Variants in GALNTL6 observed in about 807,000 individuals in gnomAD.
GALNTL6 encodes the protein polypeptide N-acetylgalactosaminyltransferase like 6.
In GALNTL6, 46 loss-of-function variants were observed where a neutral mutation model predicts 73.7. The observed-to-expected ratio is 0.62, with a 90% confidence interval of 0.49 to 0.80. The LOEUF (loss-of-function observed/expected upper bound fraction) is 0.80, where lower values mean the gene tolerates loss of function less well. GALNTL6 is among the 30% of genes least tolerant of loss of function. GALNTL6 has a pLI of 0.00. For missense variants in GALNTL6, 604 were observed against 755.0 expected (o/e 0.80, Z 2.34); for synonymous variants, 259 against 263.7 (o/e 0.98, Z 0.17).
At chr4:172,440,575 T>G (rs1579073446) in intron 5 of GALNTL6, among the ~76,000 whole-genome samples, 1 of 152,136 alleles carries the variant, frequency 6.6e-6, no homozygotes, top group Non-Finnish European at 1.5e-5. Context: ...TCATTATACA[T>G]TTACAACATC....
chr4:172,951,483 GTAAAGTAC>G (rs1326705863), intron 9 of GALNTL6, among the ~76,000 whole-genome samples: 4 of 152,228 alleles, frequency 2.6e-5, no homozygotes, highest in African/African-American at 4.8e-5. Flanking sequence ...TCATCATGCA[GTAAAGTAC>G]TAATTTCTGA....
chr4:172,476,146 C>T (rs1479548381), intron 5 of GALNTL6, among the ~76,000 whole-genome samples: 1 of 152,150 alleles, frequency 6.6e-6, no homozygotes, highest in Non-Finnish European at 1.5e-5. Context: ...ATATCATAAA[C>T]TGGGTAACTT....
chr4:172,957,002 G>T (rs1749783051), intron 10 of GALNTL6, among the ~76,000 whole-genome samples: 1 of 152,212 alleles, frequency 6.6e-6, no homozygotes, highest in Admixed American at 6.5e-5. Context: ...GAGAAGAGAT[G>T]ACCGTGGTGG....
chr4:171,973,857 T>G (rs1739642168), intron 2 of GALNTL6, among the ~76,000 whole-genome samples: 1 of 152,202 alleles, frequency 6.6e-6, no homozygotes. Context: ...TTTGTAAGCA[T>G]TTACTCTTTC....
intron 5 of GALNTL6, among the ~76,000 whole-genome samples, chr4:172,650,860 A>G (rs1266494148): frequency 1.3e-5 from 2 of 152,232 alleles, no homozygotes; most frequent in Admixed American, 1.3e-4. Flanking sequence ...AAAATTGCAT[A>G]TATGAGGCTG....
At chr4:171,940,706 C>G (rs1056437859) in intron 2 of GALNTL6, among the ~76,000 whole-genome samples, 1 of 151,802 alleles carries the variant, frequency 6.6e-6, no homozygotes, top group African/African-American at 2.4e-5. Flanking sequence ...CATCTATAAT[C>G]CAAGCTACTT....
chr4:172,958,036 G>T (rs1015614171), intron 10 of GALNTL6, among the ~76,000 whole-genome samples: 30 of 152,288 alleles, frequency 2.0e-4, no homozygotes, highest in African/African-American at 7.2e-4. Context: ...GTAGGAGGCC[G>T]GATTGAAGTC....
chr4:171,815,444 C>G (rs546440077), intron 2 of GALNTL6: 2 of 152,328 alleles, frequency 1.3e-5, no homozygotes, highest in South Asian at 4.1e-4. Context: ...TACCTCATGA[C>G]TTAACATGGA....
rs1226743491 is a variant in GALNTL6 at position 173,036,791 on chromosome 4, G to C, written c.1639-3142G>C. ...CATCTTCTATCGTCCTTTAGGGAGG[G>C]TTGTTTTAGAACAGCAGACTTGCCG... On this transcript the variant is annotated intron_variant, in intron 12 of 12. Transcript: ENST00000506823. Among the ~76,000 whole-genome samples the C allele has an allele frequency of 2.0e-5, 3 of 152,146 alleles. No individual in the cohort carries two copies. In the East Asian group the frequency reaches 5.8e-4, roughly 29 times the overall value.
At chr4:172,561,773 C>G (rs1736379873) in intron 5 of GALNTL6, among the ~76,000 whole-genome samples, 1 of 152,222 alleles carries the variant, frequency 6.6e-6, no homozygotes, top group Non-Finnish European at 1.5e-5. Flanking sequence ...ACCACAATCT[C>G]TTGAGGTGAG....
chr4:172,814,600 T>G (rs550942131), intron 7 of GALNTL6, among the ~76,000 whole-genome samples: 1 of 152,276 alleles, frequency 6.6e-6, no homozygotes, highest in South Asian at 2.1e-4. Flanking sequence ...GATCAAGGCT[T>G]TGCACACTCT....
intron 5 of GALNTL6, among the ~76,000 whole-genome samples, chr4:172,729,164 C>T (rs900970492): frequency 1.3e-5 from 2 of 152,016 alleles, no homozygotes; most frequent in African/African-American, 4.8e-5. Context: ...AATATTTTCT[C>T]CTATTCTGCA....
intron 2 of GALNTL6, among the ~76,000 whole-genome samples, chr4:171,851,460 G>A (rs1735520905): frequency 6.6e-6 from 1 of 152,176 alleles, no homozygotes; most frequent in Non-Finnish European, 1.5e-5. Flanking sequence ...CAATGCCTGA[G>A]AGACTGTTAT....
intron 2 of GALNTL6, among the ~76,000 whole-genome samples, chr4:171,953,311 C>T (rs768931973): frequency 1.3e-5 from 2 of 150,906 alleles, no homozygotes; most frequent in Non-Finnish European, 2.9e-5. Flanking sequence ...GGAAAATTAG[C>T]AGCAGTATAA....
At position 172,019,595 on chromosome 4, in the gene GALNTL6, G is replaced by C. The variant is rs569738711; in HGVS notation, c.138+204877G>C. Among the ~76,000 whole-genome samples the C allele has an allele frequency of 1.8e-4, 28 of 152,200 alleles. No homozygotes were observed. The South Asian group carries it at 4.1e-3, about 23-fold the overall frequency. On this transcript the variant is annotated intron_variant, in intron 2 of 12. Coordinates refer to ENST00000506823, the MANE Select transcript of GALNTL6 (RefSeq NM_001034845.3). The stretch of plus-strand genomic sequence containing the variant: ...AAGAAGTGCATTATATAATGAAAAA[G>C]TGGTCAACTCAGCAAGAGGATATAA...
intron 5 of GALNTL6, among the ~76,000 whole-genome samples, chr4:172,482,277 A>G (rs1733516744): frequency 6.6e-6 from 1 of 152,188 alleles, no homozygotes; most frequent in African/African-American, 2.4e-5. Flanking sequence ...CCGCAAGCAG[A>G]GGGAGCTGGC....
At chr4:172,039,629 C>A (rs1052711636) in intron 2 of GALNTL6, among the ~76,000 whole-genome samples, 7 of 152,112 alleles carry the variant, frequency 4.6e-5, no homozygotes, top group African/African-American at 1.7e-4. Flanking sequence ...AAGAGGAACA[C>A]ATGAGACCTG....
intron 3 of GALNTL6, among the ~76,000 whole-genome samples, chr4:172,308,307 A>G (rs1740228296): frequency 6.6e-6 from 1 of 151,642 alleles, no homozygotes; most frequent in Non-Finnish European, 1.5e-5. Flanking sequence ...ACCAACTTGG[A>G]TGCCCCTTAT....
rs565819779 is a variant in GALNTL6, at chr4:171,956,150, C to T, written c.138+141432C>T. ...CCAGAGTAGCGGGACTACAGGCATG[C>T]GCCACCACACCTGGCTAATTTATTC... On this transcript the variant is annotated intron_variant, in intron 2 of 12. Transcript: ENST00000506823. 3.9e-5 allele frequency among the ~76,000 whole-genome samples: 6 copies of T among 151,908 alleles called. No individual in the cohort carries two copies. The South Asian group carries it at 1.3e-3, about 32-fold the overall frequency.
Sources: allele counts gnomAD v4.1 joint callset (sites outside exome capture counted in the v4.1 genomes callset), GRCh38; gene constraint gnomAD v4.1.1; transcripts MANE v1.5; gene names NCBI Gene and HGNC (gene_info 2026-07-23, HGNC 2026-07-21).